The following ANKRD52 variants were observed in gnomAD, a reference collection of about 807,000 sequenced individuals.
The protein encoded by ANKRD52 is ankyrin repeat domain 52, also known as serine/threonine-protein phosphatase 6 regulatory ankyrin repeat subunit C.
ANKRD52 carries 7 observed loss-of-function variants against 116.0 expected under a neutral mutation model. That is an observed-to-expected ratio of 0.06 (90% CI 0.03 to 0.11). The LOEUF (loss-of-function observed/expected upper bound fraction) is 0.11. Among genes scored for constraint, ANKRD52 ranks in the 10% least tolerant of loss-of-function variants. The probability of loss-of-function intolerance (pLI) is 1.00; values close to 1 mark genes in which losing one functional copy is unlikely to be tolerated. For missense variants in ANKRD52, 839 were observed against 1,408.6 expected (o/e 0.60, Z 6.47); for synonymous variants, 528 against 578.1 (o/e 0.91, Z 1.24).
intron 20 of ANKRD52, 21 bp from the exon 21 acceptor site, chr12:56,245,617 T>C: frequency 6.3e-7 from 1 of 1,596,014 alleles, no homozygotes; most frequent in Non-Finnish European, 8.5e-7. Flanking sequence ...CATGGGGGTG[T>C]GAGGGGGATG....
rs1414653704 is a variant in ANKRD52, at chr12:56,254,238, G to A, written c.735C>T (p.Ile245=). 24 of 1,613,800 alleles carry A rather than the reference G, an allele frequency of 1.5e-5. No homozygotes were observed. The highest frequency in any genetic ancestry group is 1.9e-5 in the Non-Finnish European group (22 of 1,179,904). Residue 245 remains isoleucine (I), a synonymous_variant, in exon 8 of 28, where the codon ATC becomes ATT. Transcript: ENST00000267116. This position sits in a 1 kb window ranked among gnomAD's most constrained non-coding sequence, Gnocchi z 4.6. ...CAGCATCCTGGCCCAGGTAGCAGGC[G>A]ATGTGCAAAGCTGTGTTTCCAAAAG... The part of the protein sequence containing the change: ...PNAFGNTALH[I]ACYLGQDAVA...
intron 20 of ANKRD52, among the ~76,000 whole-genome samples, chr12:56,246,919 C>CAAT (rs374443069): frequency 0.043 from 5,441 of 125,386 alleles, 124 homozygotes; most frequent in Admixed American, 0.081. Flanking sequence ...GACTCTATCT[C>CAAT]AATAATAATA....
Position 56,248,508 on chromosome 12 carries a change from G to A in ANKRD52, c.1763C>T (p.Pro588Leu). 4.4e-6 allele frequency: 7 copies of A among 1,595,668 alleles called. No homozygotes were observed. The highest frequency in any genetic ancestry group is 6.0e-6 in the Non-Finnish European group (7 of 1,171,176). The part of the protein sequence containing the change: ...EDVESTIPVS[P>L]LHLAAYNGHC... ...CGTGGGACTCACAGCTAAGTGCAAA[G>A]GGCTGACTGGAATGGTGCTCTCCAC... The change falls in exon 17 of 28, where the codon CCT becomes CTT. Residue 588 changes from proline (P) to leucine (L), a missense_variant. This residue lies in a region of ANKRD52 where 552 missense variants were observed against 810.6 expected (regional missense o/e 0.68). Coordinates refer to ENST00000267116, the MANE Select transcript of ANKRD52 (RefSeq NM_173595.4). The surrounding 1 kb of genome is among the most constrained non-coding windows in gnomAD (Gnocchi z 5.1).
Position 56,241,172 on chromosome 12 carries a change from T to C in ANKRD52, c.*1970A>G. On this transcript the variant is annotated 3_prime_UTR_variant, in exon 28 of 28. Transcript: ENST00000267116. ...GGGCAAGAGGGGCGTCACAAGGCCC[T>C]TTGGCTTTGAAAATAAAAATAAAAA... The C allele has an allele frequency of 6.6e-6, 1 of 152,148 alleles. No homozygotes were observed. The highest frequency in any genetic ancestry group is 2.4e-5 in the African/African-American group (1 of 41,510). The allele number at this position is 152,148 out of a possible 1,614,324, so 9.4% of individuals were successfully genotyped here.
Position 56,252,929 on chromosome 12 carries a change from TGA to T in ANKRD52, c.1184-34_1184-33del, listed in dbSNP as rs770866096. 3.9e-5 allele frequency: 63 copies of T among 1,608,754 alleles called. No homozygotes were observed. The African/African-American group carries it at 7.6e-4, about 19-fold the overall frequency. ...GCACAGAACAGCCACAGGTCACATC[TGA>T]GAGTGTTCAGCAGGGAGGGAAAGGC... On this transcript the variant is annotated intron_variant, in intron 11 of 27. Coordinates refer to ENST00000267116, the MANE Select transcript of ANKRD52 (RefSeq NM_173595.4). The surrounding 1 kb of genome is among the most constrained non-coding windows in gnomAD (Gnocchi z 4.7).
rs753021944 is a variant in ANKRD52 at position 56,254,100 on chromosome 12, T to C, written c.873A>G (p.Leu291=). Residue 291 remains leucine (L), a synonymous_variant, in exon 8 of 28, where the codon CTA becomes CTG. Transcript: ENST00000267116. The surrounding 1 kb of genome is among the most constrained non-coding windows in gnomAD (Gnocchi z 4.6). ...VSTNGALCLE[L]LVNNGADVNY... is the part of the protein sequence containing the mutation. ...TGACGTCAGCCCCATTATTAACCAG[T>C]AGCTCCAAGCAGAGAGCGCCATTGG... 15 of 1,613,482 alleles carry C rather than the reference T, an allele frequency of 9.3e-6. No individual in the cohort carries two copies. Among genetic ancestry groups the C allele is most frequent in the Admixed American group, 3.3e-5 (2 of 59,968 alleles).
At chr12:56,247,979 C>A in intron 18 of ANKRD52, 44 bp downstream of exon 18, 1 of 1,539,554 alleles carries the variant, frequency 6.5e-7, no homozygotes, top group East Asian at 2.4e-5. Flanking sequence ...CAGGAGGGAT[C>A]TGGCATGGCA....
rs1298526702 is a variant in ANKRD52 at position 56,239,736 on chromosome 12, T to A, written c.*3406A>T. On this transcript the variant is annotated 3_prime_UTR_variant, in exon 28 of 28. Transcript: ENST00000267116. Reference sequence around the variant, plus strand: ...GATACAGCTGTAGAACCGTTCACTCTGGCCCCATCCACCCCACCTCCAGCC... The same window carrying A: ...GATACAGCTGTAGAACCGTTCACTCAGGCCCCATCCACCCCACCTCCAGCC... 6.6e-6 allele frequency: 1 copy of A among 152,268 alleles called. No homozygotes were observed. The highest frequency in any genetic ancestry group is 2.4e-5 in the African/African-American group (1 of 41,446). The allele number at this position is 152,268 out of a possible 1,614,324, so 9.4% of individuals were successfully genotyped here. A position where few individuals can be genotyped will look rare whatever the true frequency, so the allele number is the denominator to read the frequency against.
rs1379720120 is a variant in ANKRD52 at position 56,244,656 on chromosome 12, A to G, written c.2718T>C (p.Ala906=). 1 of 1,613,770 alleles carries G rather than the reference A, an allele frequency of 6.2e-7. No individual in the cohort carries two copies. Among genetic ancestry groups the G allele is most frequent in the Non-Finnish European group, 8.5e-7 (1 of 1,179,894 alleles). The change falls in exon 24 of 28, where the codon GCT becomes GCC. Residue 906 remains alanine, a synonymous_variant. Transcript: ENST00000267116. The surrounding 1 kb of genome is among the most constrained non-coding windows in gnomAD (Gnocchi z 4.9). ...CCACAAGTGGCCCCTACACACCCAC[A>G]GCAGCGGTCTGCCCGTTCTCAGCCG... is the stretch of plus-strand genomic sequence containing the variant. ...MTAAENGQTA[A]VEFLLYRGKA...
rs746687944 is a variant in ANKRD52, at chr12:56,252,318, G to C, written c.1371-3C>G. 1 of 1,613,484 alleles carries C rather than the reference G, an allele frequency of 6.2e-7. No individual in the cohort carries two copies. Among genetic ancestry groups the C allele is most frequent in the South Asian group, 1.1e-5 (1 of 91,078 alleles). On this transcript the variant is annotated splice_polypyrimidine_tract_variant and splice_region_variant and intron_variant, in intron 13 of 27. Coordinates refer to ENST00000267116, the MANE Select transcript of ANKRD52 (RefSeq NM_173595.4). This position sits in a 1 kb window ranked among gnomAD's most constrained non-coding sequence, Gnocchi z 4.7. ...CAGCTGCATAGTGCAGTGGGGTCCT[G>C]GGGAAGAAGTGAAGGAGGGTGGGGA...
chr12:56,245,199 G>A lies in ANKRD52; in HGVS notation c.2405-9C>T, dbSNP rs201425372. On this transcript the variant is annotated splice_polypyrimidine_tract_variant and intron_variant, in intron 21 of 27. Coordinates refer to ENST00000267116, the MANE Select transcript of ANKRD52 (RefSeq NM_173595.4). ...CAGACAATCTTCATGTCCTGGGCAC[G>A]AGGAAGGAAGAGTAGTGATGGAGAA... 459 of 1,613,750 alleles carry A rather than the reference G, an allele frequency of 2.8e-4. No individual in the cohort carries two copies. Among genetic ancestry groups the A allele is most frequent in the Non-Finnish European group, 4.9e-5 (58 of 1,179,824 alleles).
In ANKRD52 at chr12:56,247,787, G is replaced by A. The variant is rs1871487067; in HGVS notation, c.1979-13C>T. The stretch of plus-strand genomic sequence containing the variant: ...TGGCCAGAGGCAGCTAGGGGAAAGG[G>A]ACCCCGTGTCAGGGCAGGGCCAGGA... On this transcript the variant is annotated splice_polypyrimidine_tract_variant and intron_variant, in intron 18 of 27. Coordinates refer to ENST00000267116, the MANE Select transcript of ANKRD52 (RefSeq NM_173595.4). 23 of 1,609,218 alleles carry A rather than the reference G, an allele frequency of 1.4e-5. No individual in the cohort carries two copies. In the East Asian group the frequency reaches 5.1e-4, roughly 36 times the overall value.
chr12:56,252,968 T>C lies in ANKRD52; in HGVS notation c.1183+36A>G, dbSNP rs372967094. The C allele has an allele frequency of 1.3e-6, 2 of 1,585,466 alleles. No individual in the cohort carries two copies. The highest frequency in any genetic ancestry group is 1.3e-5 in the African/African-American group (1 of 74,250). ...AGGGAGGGAAAGGCCTTTGCTCTCC[T>C]ATACACCTGCCAATCCCCAGCCCAT... is the stretch of plus-strand genomic sequence containing the variant. On this transcript the variant is annotated intron_variant, in intron 11 of 27. Transcript: ENST00000267116. This position sits in a 1 kb window ranked among gnomAD's most constrained non-coding sequence, Gnocchi z 4.7.
intron 4 of ANKRD52, 83 bp downstream of exon 4, chr12:56,256,932 G>A (rs1871980970): frequency 7.0e-7 from 1 of 1,428,564 alleles, no homozygotes; most frequent in Non-Finnish European, 9.4e-7. Flanking sequence ...GTAGGGCTGA[G>A]GACTGAGGCT....
In ANKRD52 at chr12:56,252,194, C is replaced by A; in HGVS notation, c.1492G>T (p.Ala498Ser). ...KGCSPLHYAA[A>S]SDTYRRAEPH... ...CCTCACCTCCTGTAAGTGTCAGAAG[C>A]GGCAGCGTAGTGGAGGGGAGAGCAG... The change falls in exon 14 of 28, where the codon GCT becomes TCT. Residue 498 changes from alanine (A) to serine (S), a missense_variant. By Grantham distance (99) the Ala-to-Ser change is moderately conservative (BLOSUM62 1). This residue lies in a region of ANKRD52 where 552 missense variants were observed against 810.6 expected (regional missense o/e 0.68). Transcript: ENST00000267116. The surrounding 1 kb of genome is among the most constrained non-coding windows in gnomAD (Gnocchi z 4.7). The A allele has an allele frequency of 2.5e-6, 4 of 1,613,954 alleles. 1 individual carries two copies. The highest frequency in any genetic ancestry group is 3.4e-6 in the Non-Finnish European group (4 of 1,179,894).
rs1871125942 is a variant in ANKRD52 at position 56,240,632 on chromosome 12, G to T, written c.*2510C>A. On this transcript the variant is annotated 3_prime_UTR_variant, in exon 28 of 28. Coordinates refer to ENST00000267116, the MANE Select transcript of ANKRD52 (RefSeq NM_173595.4). The surrounding 1 kb of genome is among the most constrained non-coding windows in gnomAD (Gnocchi z 4.2). ...ATTAAAATAAATATGCAGTGGCCAT[G>T]AGAATGGTCAAAATGCTTCAAAAAA... The T allele has an allele frequency of 6.6e-6, 1 of 152,196 alleles. No individual in the cohort carries two copies. Among genetic ancestry groups the T allele is most frequent in the Non-Finnish European group, 1.5e-5 (1 of 68,034 alleles). The allele number at this position is 152,196 out of a possible 1,614,324, so 9.4% of individuals were successfully genotyped here.
Position 56,248,177 on chromosome 12 carries a change from C to T in ANKRD52, c.1824G>A (p.Leu608=). Residue 608 remains leucine (L), a synonymous_variant, in exon 18 of 28, where the codon CTG becomes CTA. Coordinates refer to ENST00000267116, the MANE Select transcript of ANKRD52 (RefSeq NM_173595.4). This position sits in a 1 kb window ranked among gnomAD's most constrained non-coding sequence, Gnocchi z 5.1. The part of the protein sequence containing the change: ...CEALKTLAET[L]VNLDVRDHKG... ...TGTGGTCCCTTACGTCCAGATTCAC[C>T]AGCGTCTCCGCCAGCGTCTTCAAGG... 2 of 1,613,956 alleles carry T rather than the reference C, an allele frequency of 1.2e-6. No individual in the cohort carries two copies. Among genetic ancestry groups the T allele is most frequent in the East Asian group, 2.2e-5 (1 of 44,886 alleles).
rs1432883115 is a variant in ANKRD52, at chr12:56,248,036, G to C, written c.1965C>G (p.Pro655=). Residue 655 remains proline (P), a synonymous_variant, in exon 18 of 28, where the codon CCC becomes CCG. Coordinates refer to ENST00000267116, the MANE Select transcript of ANKRD52 (RefSeq NM_173595.4). The surrounding 1 kb of genome is among the most constrained non-coding windows in gnomAD (Gnocchi z 5.1). ...GTGGGCACTAACCAGCAGCGTGCAG[G>C]GGTGTCCACTTGCGCTTGCGCTCCT... ...LIKERKRKWT[P]LHAAAASGHT... 6.2e-7 allele frequency: 1 copy of C among 1,604,304 alleles called. No individual in the cohort carries two copies. Among genetic ancestry groups the C allele is most frequent in the Non-Finnish European group, 8.5e-7 (1 of 1,179,006 alleles).
In ANKRD52 at chr12:56,248,937, G is replaced by A. The variant is rs1314901300; in HGVS notation, c.1593-67C>T. On this transcript the variant is annotated intron_variant, in intron 15 of 27. Transcript: ENST00000267116. The surrounding 1 kb of genome is among the most constrained non-coding windows in gnomAD (Gnocchi z 5.1). ...GCCCAGGAGGGCACAGTTCTGGGAG[G>A]GCCAGAGGAGAGGACCAAGGCCCTC... The A allele has an allele frequency of 8.2e-7, 1 of 1,221,956 alleles. No individual in the cohort carries two copies. Among genetic ancestry groups the A allele is most frequent in the African/African-American group, 1.5e-5 (1 of 65,572 alleles). 75.7% of individuals were successfully genotyped at this position (1,221,956 alleles called of 1,614,324 possible). A position where few individuals can be genotyped will look rare whatever the true frequency, so the allele number is the denominator to read the frequency against.
Sources: gnomAD v4.1 joint callset for allele counts (sites outside exome capture counted in the v4.1 genomes callset) on GRCh38, gnomAD v4.1.1 for gene constraint, gnomAD v4.1.1 regional missense constraint, Gnocchi (gnomAD v3.1) non-coding constraint, MANE v1.5 for transcripts, NCBI Gene and HGNC (gene_info 2026-07-23, HGNC 2026-07-21) for gene names.